Variants in DPH6 observed in about 807,000 individuals in gnomAD.
The protein encoded by DPH6 is diphthine--ammonia ligase.
DPH6 carries 33 observed loss-of-function variants against 38.2 expected under a neutral mutation model. The ratio of observed to expected loss-of-function variants is 0.86; its 90% CI spans 0.65 to 1.15. DPH6 has a LOEUF of 1.15. DPH6 is among the 50% of genes most tolerant of loss of function. DPH6 has a pLI of 0.00. For synonymous variants in DPH6, 108 were observed against 103.0 expected, an observed-to-expected ratio of 1.05 and a Z score of -0.30; for missense variants, 325 against 320.0, an observed-to-expected ratio of 1.02 and a Z score of -0.12.
intron 3 of DPH6, among the ~76,000 whole-genome samples, chr15:35,299,661 C>T (rs1481503441): frequency 6.6e-6 from 1 of 152,212 alleles, no homozygotes; most frequent in East Asian, 1.9e-4. Flanking sequence ...TTCCTAACTC[C>T]TTCCTGCCTC....
At chr15:35,215,846 CA>C (rs2051408651), downstream of DPH6, among the ~76,000 whole-genome samples, 1 of 152,228 alleles carries the variant, frequency 6.6e-6, no homozygotes, top group East Asian at 1.9e-4. Flanking sequence ...GTAAATCACT[CA>C]AGGTTTCACA....
chr15:35,362,908 G>C (rs1566881003), intron 3 of DPH6, among the ~76,000 whole-genome samples: 2 of 152,082 alleles, frequency 1.3e-5, no homozygotes, highest in East Asian at 3.9e-4. Context: ...TGGGGAAATA[G>C]GGTTGGTCAC....
At chr15:35,224,676 G>C (rs1329307656) in intron 3 of DPH6, among the ~76,000 whole-genome samples, 1 of 152,128 alleles carries the variant, frequency 6.6e-6, no homozygotes, top group Non-Finnish European at 1.5e-5. Flanking sequence ...GTGCCATTTT[G>C]TATTTCCACC....
the DPH6 span, among the ~76,000 whole-genome samples, chr15:35,195,042 T>G: frequency 1.3e-5 from 2 of 152,204 alleles, no homozygotes; most frequent in African/African-American, 4.8e-5. Context: ...TTTGTACCCA[T>G]TAATTAACCT....
At chr15:35,208,564 T>A in the DPH6 span, among the ~76,000 whole-genome samples, 7 of 152,362 alleles carry the variant, frequency 4.6e-5, no homozygotes, top group Admixed American at 2.0e-4. Flanking sequence ...AGAGGCAGCA[T>A]GACCTCATCT....
At chr15:35,212,681 GAGTCTA>G (rs1210043258), downstream of DPH6, among the ~76,000 whole-genome samples, 1 of 152,190 alleles carries the variant, frequency 6.6e-6, no homozygotes, top group African/African-American at 2.4e-5. Flanking sequence ...TTTTTATGAT[GAGTCTA>G]AGTCATTGCC....
At chr15:35,372,258 C>A in intron 8 of DPH6, 55 bp from the exon 9 acceptor site, 2 of 1,352,106 alleles carry the variant, frequency 1.5e-6, no homozygotes, top group South Asian at 1.7e-5. Context: ...TATTCAGTGT[C>A]AGTGAATATG....
At chr15:35,243,071 C>T (rs2051611343) in intron 3 of DPH6, among the ~76,000 whole-genome samples, 2 of 142,498 alleles carry the variant, frequency 1.4e-5, no homozygotes, top group Non-Finnish European at 3.1e-5. Context: ...GTCCTAGGTC[C>T]TCCCAATTCT....
rs375994013 is a variant in DPH6 at position 35,363,502 on chromosome 15, G to A, written n.207+10019C>T. ...TCACACTCTTACTTTCATTCTTTCT[G>A]TGCCCTTATTTTTAGTGGTGTCTCT... On this transcript the variant is annotated intron_variant and non_coding_transcript_variant, in intron 3 of 3. Coordinates refer to the DPH6 transcript ENST00000558973. Among the ~76,000 whole-genome samples the A allele has an allele frequency of 1.4e-4, 22 of 151,826 alleles. 4 individuals are homozygous for A. The highest frequency in any genetic ancestry group is 7.8e-4 in the East Asian group (4 of 5,156).
intron 6 of DPH6, among the ~76,000 whole-genome samples, chr15:35,395,634 A>G (rs2053121631): frequency 6.6e-6 from 1 of 152,120 alleles, no homozygotes; most frequent in Non-Finnish European, 1.5e-5. Context: ...GATTTCACCC[A>G]TCCTTCAAAT....
intron 7 of DPH6, among the ~76,000 whole-genome samples, chr15:35,379,897 T>C (rs1217185200): frequency 6.6e-6 from 1 of 151,550 alleles, no homozygotes; most frequent in Non-Finnish European, 1.5e-5. Context: ...CCAAAGCATA[T>C]AAAAATGAAA....
At chr15:35,152,391 T>C in the DPH6 span, among the ~76,000 whole-genome samples, 1 of 152,070 alleles carries the variant, frequency 6.6e-6, no homozygotes, top group Non-Finnish European at 1.5e-5. Context: ...ACTCTGAAAA[T>C]TTTAAGGTTT....
intron 3 of DPH6, among the ~76,000 whole-genome samples, chr15:35,473,378 T>C (rs2054221084): frequency 6.6e-6 from 1 of 152,148 alleles, no homozygotes; most frequent in African/African-American, 2.4e-5. Context: ...CATCATTCAA[T>C]TATGTGTTCC....
At chr15:35,317,323 AAAAAG>A (rs1173879190) in intron 3 of DPH6, among the ~76,000 whole-genome samples, 1 of 151,418 alleles carries the variant, frequency 6.6e-6, no homozygotes, top group African/African-American at 2.4e-5. Flanking sequence ...GAAGGAAGGA[AAAAAG>A]AAAGAAAGAA....
At chr15:35,214,100 A>C (rs1221437791), downstream of DPH6, among the ~76,000 whole-genome samples, 2 of 148,080 alleles carry the variant, frequency 1.4e-5, no homozygotes, top group Non-Finnish European at 3.0e-5. Context: ...CGACAGAGCG[A>C]GACTCCGTCT....
rs189776621 is a variant in DPH6, at chr15:35,410,975, T to C, written c.506-79A>G. The C allele has an allele frequency of 3.2e-6, 4 of 1,249,524 alleles. No homozygotes were observed. The East Asian group carries it at 7.4e-5, about 23-fold the overall frequency. 77.4% of individuals were successfully genotyped at this position (1,249,524 alleles called of 1,614,324 possible). On this transcript the variant is annotated intron_variant, in intron 5 of 8. Transcript: ENST00000256538. ...GACACATTCCCCTTCCCTTGGCCCC[T>C]CCTCACCTAGAAAAGCAGTGTGTAT...
chr15:35,458,947 GGAGA>G (rs551554691), intron 3 of DPH6, among the ~76,000 whole-genome samples: 47 of 152,230 alleles, frequency 3.1e-4, no homozygotes, highest in African/African-American at 1.1e-3. Context: ...CTTCAAACCT[GGAGA>G]GAGATAAGGA....
chr15:35,283,222 TTTC>T (rs915959671), intron 3 of DPH6, among the ~76,000 whole-genome samples: 1 of 148,204 alleles, frequency 6.7e-6, no homozygotes, highest in East Asian at 2.1e-4. Context: ...CTTCCTCTTC[TTTC>T]TTCTTTCTTC....
chr15:35,185,571 A>G, the DPH6 span, among the ~76,000 whole-genome samples: 1 of 152,184 alleles, frequency 6.6e-6, no homozygotes, highest in Non-Finnish European at 1.5e-5. Flanking sequence ...ACTGTCTGGA[A>G]GGTAGAGTTG....
Sources: gnomAD v4.1 joint callset for allele counts (sites outside exome capture counted in the v4.1 genomes callset) on GRCh38, gnomAD v4.1.1 for gene constraint, MANE v1.5 for transcripts, NCBI Gene and HGNC (gene_info 2026-07-23, HGNC 2026-07-21) for gene names.